Variants in FOSL2 observed in about 807,000 individuals in gnomAD.
FOSL2 encodes the protein FOS like 2, AP-1 transcription factor subunit, also known as fos-related antigen 2.
In FOSL2, 3 loss-of-function variants were observed where a neutral mutation model predicts 27.7. That is an observed-to-expected ratio of 0.11 (90% CI 0.05 to 0.28). FOSL2 has a LOEUF of 0.28. FOSL2 is among the 10% of genes least tolerant of loss of function. The pLI, the probability that FOSL2 is intolerant of heterozygous loss-of-function variation, is 1.00. For synonymous variants in FOSL2, 179 were observed against 190.1 expected (o/e 0.94, Z 0.48); for missense variants, 333 against 445.1 (o/e 0.75, Z 2.27).
rs1034551716 is a variant in FOSL2 at position 28,416,946 on chromosome 2, G to C, written c.*4498G>C. On this transcript the variant is annotated 3_prime_UTR_variant, in exon 4 of 4. Coordinates refer to ENST00000264716, the MANE Select transcript of FOSL2 (RefSeq NM_005253.4). ...ATGGGGAATTTAATTACCTTTCTGG[G>C]CACTTTTTTTTTTTTTTTTTTTTTA... 2 of 143,744 alleles carry C rather than the reference G, an allele frequency of 1.4e-5. No individual in the cohort carries two copies. Among genetic ancestry groups the C allele is most frequent in the African/African-American group, 2.6e-5 (1 of 38,926 alleles). 8.9% of individuals were successfully genotyped at this position (143,744 alleles called of 1,614,324 possible). A position where few individuals can be genotyped will look rare whatever the true frequency, so the allele number is the denominator to read the frequency against.
Position 28,404,450 on chromosome 2 carries a change from G to A in FOSL2, c.354+92G>A, listed in dbSNP as rs900372072. On this transcript the variant is annotated intron_variant, in intron 2 of 3. Coordinates refer to ENST00000264716, the MANE Select transcript of FOSL2 (RefSeq NM_005253.4). The surrounding 1 kb of genome is among the most constrained non-coding windows in gnomAD (Gnocchi z 4.7). ...GTTTCTGCAGACTGGGAGGGTTAAT[G>A]TTCTGAGAGCAGGGGAGACAAGGGA... 6 of 1,464,310 alleles carry A rather than the reference G, an allele frequency of 4.1e-6. No homozygotes were observed. The highest frequency in any genetic ancestry group is 1.4e-5 in the African/African-American group (1 of 70,992). The allele number at this position is 1,464,310 out of a possible 1,614,324, so 90.7% of individuals were successfully genotyped here.
chr2:28,400,989 G>A (rs1038550130), intron 1 of FOSL2, among the ~76,000 whole-genome samples: 1 of 152,116 alleles, frequency 6.6e-6, no homozygotes, highest in Non-Finnish European at 1.5e-5. Context: ...CATGGAGGAG[G>A]GAGTCATATC....
chr2:28,414,778 G>A lies in FOSL2; in HGVS notation c.*2330G>A, dbSNP rs2148105149. On this transcript the variant is annotated 3_prime_UTR_variant, in exon 4 of 4. Coordinates refer to ENST00000264716, the MANE Select transcript of FOSL2 (RefSeq NM_005253.4). ...ATTCCTGAGGCACAACTTGGCTTCA[G>A]TTCAGATTTCAAGCTGTGTTGGTGT... 1 of 152,314 alleles carries A rather than the reference G, an allele frequency of 6.6e-6. No homozygotes were observed. Among genetic ancestry groups the A allele is most frequent in the South Asian group, 2.1e-4 (1 of 4,826 alleles). 9.4% of individuals were successfully genotyped at this position (152,314 alleles called of 1,614,324 possible).
In FOSL2 at chr2:28,404,655, A is replaced by C. The variant is rs1455295374; in HGVS notation, c.354+297A>C. 6.6e-6 allele frequency among the ~76,000 whole-genome samples: 1 copy of C among 152,176 alleles called. No individual in the cohort carries two copies. The highest frequency in any genetic ancestry group is 2.4e-5 in the African/African-American group (1 of 41,452). ...GACTTGGCTACAGATGGGAAGGACC[A>C]TTACGACCTGCCCACAGCAGGATCC... On this transcript the variant is annotated intron_variant, in intron 2 of 3. Transcript: ENST00000264716. This position sits in a 1 kb window ranked among gnomAD's most constrained non-coding sequence, Gnocchi z 4.7.
chr2:28,402,104 C>T (rs1035963048), intron 1 of FOSL2, among the ~76,000 whole-genome samples: 6 of 152,236 alleles, frequency 3.9e-5, no homozygotes, highest in African/African-American at 1.4e-4. Flanking sequence ...TCCCAGAATG[C>T]ATTGTGCTGG....
chr2:28,410,487 G>A, intron 3 of FOSL2: 5 of 976,208 alleles, frequency 5.1e-6, no homozygotes, highest in Non-Finnish European at 6.0e-6. Context: ...CCTCTCAGAA[G>A]CTCATGACGT....
chr2:28,411,799 AG>A, intron 3 of FOSL2, 130 bp from the exon 4 acceptor site: 1 of 889,114 alleles, frequency 1.1e-6, no homozygotes, highest in Non-Finnish European at 1.8e-6. Flanking sequence ...GACTCAGACC[AG>A]CGGGGTCTGT....
chr2:28,397,238 G>A (rs1663864772), intron 1 of FOSL2: 1 of 152,122 alleles, frequency 6.6e-6, no homozygotes, highest in Admixed American at 6.6e-5. Flanking sequence ...AAAAAAAGGA[G>A]TGCTTTTTTC....
At chr2:28,396,160 GCT>G (rs1558564223) in intron 1 of FOSL2, among the ~76,000 whole-genome samples, 1 of 151,848 alleles carries the variant, frequency 6.6e-6, no homozygotes, top group East Asian at 1.9e-4. Context: ...ATTTTTTTCA[GCT>G]CTCTCTTTTG....
At chr2:28,401,421 C>A (rs1273797045) in intron 1 of FOSL2, among the ~76,000 whole-genome samples, 1 of 152,112 alleles carries the variant, frequency 6.6e-6, no homozygotes, top group Non-Finnish European at 1.5e-5. Context: ...CTCATTTAAT[C>A]CTCATGGCAG....
chr2:28,398,493 A>T (rs1180872474), intron 1 of FOSL2, among the ~76,000 whole-genome samples: 1 of 152,244 alleles, frequency 6.6e-6, no homozygotes, highest in Non-Finnish European at 1.5e-5. Context: ...GGGCCCACAC[A>T]CTAGTGGAGT....
chr2:28,409,579 C>T (rs1021631166), intron 3 of FOSL2, among the ~76,000 whole-genome samples: 2 of 152,128 alleles, frequency 1.3e-5, no homozygotes, highest in African/African-American at 4.8e-5. Context: ...GAGCCTGGCC[C>T]TGCAGGAAGG....
At chr2:28,406,041 TCC>T (rs1491344896) in intron 2 of FOSL2, among the ~76,000 whole-genome samples, 162 of 129,378 alleles carry the variant, frequency 1.3e-3, no homozygotes, top group African/African-American at 4.9e-3. Context: ...TGCTCTCCAT[TCC>T]CTTTTTTTTT....
chr2:28,397,633 G>A lies in FOSL2; in HGVS notation c.102+3811G>A, dbSNP rs559620262. Among the ~76,000 whole-genome samples the A allele has an allele frequency of 2.9e-4, 44 of 152,286 alleles. No homozygotes were observed. The South Asian group carries it at 7.5e-3, about 26-fold the overall frequency. The stretch of plus-strand genomic sequence containing the variant: ...TGCTTCTGCCTGTCTTATTATTCAA[G>A]GTGAGGGTAAAATTGGGAGACTTGT... On this transcript the variant is annotated intron_variant, in intron 1 of 3. Coordinates refer to ENST00000264716, the MANE Select transcript of FOSL2 (RefSeq NM_005253.4).
Position 28,393,369 on chromosome 2 carries a change from G to C in FOSL2, c.-352G>C. 3.5e-6 allele frequency: 1 copy of C among 282,310 alleles called. No individual in the cohort carries two copies. The highest frequency in any genetic ancestry group is 6.6e-6 in the Non-Finnish European group (1 of 151,430). The allele number at this position is 282,310 out of a possible 1,614,324, so 17.5% of individuals were successfully genotyped here. A position where few individuals can be genotyped will look rare whatever the true frequency, so the allele number is the denominator to read the frequency against. Reference sequence around the variant, plus strand: ...TTTTTTAATTTCCAATTTTTGATTGGGCCGTGGGTCCCCGCTGAGCTCCGG... The same window carrying C: ...TTTTTTAATTTCCAATTTTTGATTGCGCCGTGGGTCCCCGCTGAGCTCCGG... On this transcript the variant is annotated 5_prime_UTR_variant, in exon 1 of 4. Coordinates refer to ENST00000264716, the MANE Select transcript of FOSL2 (RefSeq NM_005253.4). This position sits in a 1 kb window ranked among gnomAD's most constrained non-coding sequence, Gnocchi z 4.6.
At position 28,404,386 on chromosome 2, in the gene FOSL2, C is replaced by T. The variant is rs752630257; in HGVS notation, c.354+28C>T. 2.5e-6 allele frequency: 4 copies of T among 1,597,582 alleles called. No individual in the cohort carries two copies. In the East Asian group the frequency reaches 9.0e-5, roughly 36 times the overall value. On this transcript the variant is annotated intron_variant, in intron 2 of 3. Transcript: ENST00000264716. The surrounding 1 kb of genome is among the most constrained non-coding windows in gnomAD (Gnocchi z 4.7). ...ACAGCTCAGACCAGTGGGAAGGAGC[C>T]ACGTCAGTGGCTTTCAGAGCCCCAG... is the stretch of plus-strand genomic sequence containing the variant.
Position 28,393,114 on chromosome 2 carries a change from G to C in FOSL2, c.-607G>C, listed in dbSNP as rs1663710616. 8.1e-6 allele frequency: 3 copies of C among 368,360 alleles called. No homozygotes were observed. Among genetic ancestry groups the C allele is most frequent in the African/African-American group, 6.5e-5 (3 of 46,444 alleles). The allele number at this position is 368,360 out of a possible 1,614,324, so 22.8% of individuals were successfully genotyped here. A position where few individuals can be genotyped will look rare whatever the true frequency, so the allele number is the denominator to read the frequency against. ...CCACGAGCCGCTGTCCCCCTGGCGC[G>C]CTCGGGGCCGCGGGACGGGCGCACG... On this transcript the variant is annotated 5_prime_UTR_variant, in exon 1 of 4. Coordinates refer to ENST00000264716, the MANE Select transcript of FOSL2 (RefSeq NM_005253.4). The surrounding 1 kb of genome is among the most constrained non-coding windows in gnomAD (Gnocchi z 4.6).
chr2:28,412,645 G>C lies in FOSL2; in HGVS notation c.*197G>C. 1.8e-6 allele frequency: 1 copy of C among 566,796 alleles called. No homozygotes were observed. The highest frequency in any genetic ancestry group is 3.1e-6 in the Non-Finnish European group (1 of 322,604). The allele number at this position is 566,796 out of a possible 1,614,324, so 35.1% of individuals were successfully genotyped here. On this transcript the variant is annotated 3_prime_UTR_variant, in exon 4 of 4. Transcript: ENST00000264716. This position sits in a 1 kb window ranked among gnomAD's most constrained non-coding sequence, Gnocchi z 7.1. ...TTGGGTTGATCTCTTAGAAGCCATG[G>C]GACCTCCTCCCTCATTCATCTTGCA... is the stretch of plus-strand genomic sequence containing the variant.
In FOSL2 at chr2:28,413,647, C is replaced by G. The variant is rs1165031744; in HGVS notation, c.*1199C>G. 2 of 398,950 alleles carry G rather than the reference C, an allele frequency of 5.0e-6. No homozygotes were observed. Among genetic ancestry groups the G allele is most frequent in the Non-Finnish European group, 8.8e-6 (2 of 226,422 alleles). 24.7% of individuals were successfully genotyped at this position (398,950 alleles called of 1,614,324 possible). A position where few individuals can be genotyped will look rare whatever the true frequency, so the allele number is the denominator to read the frequency against. The stretch of plus-strand genomic sequence containing the variant: ...TGCCCCAGCACCCGCTCAGCCTGTC[C>G]TGGCTGCTCACCTCCCCGCAGGGCA... On this transcript the variant is annotated 3_prime_UTR_variant, in exon 4 of 4. Transcript: ENST00000264716.
Sources: allele counts gnomAD v4.1 joint callset (sites outside exome capture counted in the v4.1 genomes callset), GRCh38; gene constraint gnomAD v4.1.1; non-coding constraint Gnocchi (gnomAD v3.1); transcripts MANE v1.5; gene names NCBI Gene and HGNC (gene_info 2026-07-23, HGNC 2026-07-21).